Variants in NVL observed in about 807,000 individuals in gnomAD.
NVL encodes nuclear valosin-containing protein-like.
A neutral mutation model predicts 110.2 loss-of-function variants in NVL; 84 were observed. The observed-to-expected ratio is 0.76, with a 90% CI of 0.64 to 0.91. The LOEUF is 0.91. Ranked by LOEUF, NVL falls within the 40% of genes least tolerant of loss-of-function variation. The probability of loss-of-function intolerance (pLI) is 0.00; values close to 1 mark genes in which losing one functional copy is unlikely to be tolerated. For missense variants in NVL, 882 were observed against 1,035.9 expected (o/e 0.85, Z 2.04); for synonymous variants, 354 against 361.1 (o/e 0.98, Z 0.22).
At chr1:224,258,979 TAAAAAAAAAAAAA>T (rs34767555) in intron 18 of NVL, among the ~76,000 whole-genome samples, 7 of 60,210 alleles carry the variant, frequency 1.2e-4, no homozygotes, top group South Asian at 1.6e-3. Flanking sequence ...GTCTCTACAT[TAAAAAAAAAAAAA>T]AAAAAAAAAA....
Position 224,287,038 on chromosome 1 carries a change from C to T in NVL, c.1794+737G>A, listed in dbSNP as rs73130432. Reference sequence around the variant, plus strand: ...AACTCACTGCTACAGAAATGAAGCACAACCAAAAGGATCAGCATAAAATAG... The same window carrying T: ...AACTCACTGCTACAGAAATGAAGCATAACCAAAAGGATCAGCATAAAATAG... On this transcript the variant is annotated intron_variant, in intron 14 of 22. Transcript: ENST00000281701. 6.2e-3 allele frequency among the ~76,000 whole-genome samples: 947 copies of T among 152,242 alleles called. 9 individuals carry two copies. The highest frequency in any genetic ancestry group is 0.021 in the African/African-American group (891 of 41,544).
intron 20 of NVL, 35 bp from the exon 21 acceptor site, chr1:224,233,324 G>T (rs753100921): frequency 1.3e-6 from 2 of 1,509,518 alleles, no homozygotes; most frequent in South Asian, 2.5e-5. Context: ...CTTATTCTTA[G>T]ATACTGCAAA....
chr1:224,271,073 G>C (rs924825600), intron 17 of NVL, among the ~76,000 whole-genome samples: 6 of 152,060 alleles, frequency 3.9e-5, no homozygotes, highest in Non-Finnish European at 5.9e-5. Flanking sequence ...TTTACAACTG[G>C]AAACAATCTA....
At chr1:224,277,849 T>C (rs533696684) in intron 16 of NVL, among the ~76,000 whole-genome samples, 2 of 152,332 alleles carry the variant, frequency 1.3e-5, no homozygotes, top group Admixed American at 1.3e-4. Context: ...ACTGACAAGG[T>C]TGAAAAACTC....
At chr1:224,316,380 G>A (rs1197875500) in intron 4 of NVL, among the ~76,000 whole-genome samples, 1 of 152,086 alleles carries the variant, frequency 6.6e-6, no homozygotes. Context: ...TACAGTGACA[G>A]AAAGCAAATC....
Position 224,227,659 on chromosome 1 carries a change from C to A in NVL, c.2538G>T (p.Met846Ile). Residue 846 changes from methionine to isoleucine, a missense_variant, in exon 23 of 23, where the codon ATG becomes ATT. Met to Ile is a conservative substitution (Grantham distance 10). Coordinates refer to ENST00000281701, the MANE Select transcript of NVL (RefSeq NM_002533.4). ...TGAGGGACTCCTGCAAACGTTCATA[C>A]ATGATTTGATCCTGAAAGGAGGGAG... ...RSSISKKDQI[M>I]YERLQESLSR 2 of 1,611,240 alleles carry A rather than the reference C, an allele frequency of 1.2e-6. No homozygotes were observed. Among genetic ancestry groups the A allele is most frequent in the Non-Finnish European group, 1.7e-6 (2 of 1,178,140 alleles).
At chr1:224,297,972 T>C (rs551009297) in intron 10 of NVL, among the ~76,000 whole-genome samples, 1 of 142,982 alleles carries the variant, frequency 7.0e-6, no homozygotes, top group Admixed American at 7.5e-5. Context: ...TATTTGAGCC[T>C]GGAAGGCAGA....
chr1:224,274,703 T>A (rs1243338366), intron 17 of NVL, among the ~76,000 whole-genome samples: 1 of 152,202 alleles, frequency 6.6e-6, no homozygotes, highest in Non-Finnish European at 1.5e-5. Context: ...GTTATATATT[T>A]ATTGTTTATG....
chr1:224,273,239 C>T (rs1291607115), intron 17 of NVL, among the ~76,000 whole-genome samples: 1 of 151,712 alleles, frequency 6.6e-6, no homozygotes, highest in Admixed American at 6.6e-5. Context: ...ATGGTGAAAC[C>T]CCATCTCTAC....
At chr1:224,236,704 A>T (rs2102707050) in intron 19 of NVL, 122 bp from the exon 20 acceptor site, 1 of 693,736 alleles carries the variant, frequency 1.4e-6, no homozygotes, top group Admixed American at 2.1e-5. Flanking sequence ...TGAGGTCAGG[A>T]GTTCGAGACC....
chr1:224,253,052 CT>C (rs1013996920), intron 18 of NVL, among the ~76,000 whole-genome samples: 35 of 146,856 alleles, frequency 2.4e-4, no homozygotes, highest in South Asian at 8.6e-4. Flanking sequence ...TTTGTATATG[CT>C]TTTTTTTTTA....
intron 16 of NVL, among the ~76,000 whole-genome samples, chr1:224,277,569 C>T (rs539733169): frequency 6.6e-6 from 1 of 152,190 alleles, no homozygotes; most frequent in South Asian, 2.1e-4. Flanking sequence ...CATATTAAAA[C>T]CTACTTAATC....
At chr1:224,245,026 T>C (rs1274366051) in intron 19 of NVL, among the ~76,000 whole-genome samples, 1 of 152,132 alleles carries the variant, frequency 6.6e-6, no homozygotes, top group African/African-American at 2.4e-5. Context: ...CCAAAAGATA[T>C]GAAGAAGTTG....
Position 224,308,262 on chromosome 1 carries a change from G to T in NVL, c.344C>A (p.Ser115Ter). The T allele has an allele frequency of 6.3e-7, 1 of 1,592,750 alleles. No individual in the cohort carries two copies. Among genetic ancestry groups the T allele is most frequent in the South Asian group, 1.1e-5 (1 of 87,196 alleles). ...CAGGGAACTGTTCATGTGATTTGCT[G>T]ACTGGCAGAAAGATAAAACAAAATT... Reference protein sequence around the residue: ...SSMEDYPDPQSANHMNSSLLS... With the variant: ...SSMEDYPDPQ Residue 115 changes from serine (S) to a stop codon, truncating the protein, a stop_gained and splice_region_variant, in exon 6 of 23, where the codon TCA becomes TAA. Coordinates refer to ENST00000281701, the MANE Select transcript of NVL (RefSeq NM_002533.4). LOFTEE classifies it high-confidence loss of function.
intron 20 of NVL, among the ~76,000 whole-genome samples, chr1:224,233,516 T>C (rs1178883684): frequency 6.6e-6 from 1 of 152,190 alleles, no homozygotes. Flanking sequence ...TCCCAGCACT[T>C]TGGGAGGCCG....
chr1:224,267,986 G>T, intron 18 of NVL, 48 bp downstream of exon 18: 3 of 1,267,838 alleles, frequency 2.4e-6, no homozygotes, highest in Non-Finnish European at 3.4e-6. Context: ...CTACGGAAAT[G>T]CTGTAAGTTT....
At chr1:224,283,418 C>T (rs1486950050) in intron 15 of NVL, among the ~76,000 whole-genome samples, 3 of 152,034 alleles carry the variant, frequency 2.0e-5, no homozygotes, top group Non-Finnish European at 2.9e-5. Flanking sequence ...ACCCAGGAGG[C>T]GGAGCTTGCA....
At chr1:224,252,101 G>A (rs78194821) in intron 18 of NVL, among the ~76,000 whole-genome samples, 2,181 of 152,104 alleles carry the variant, frequency 0.014, 22 homozygotes, top group Non-Finnish European at 0.023. Flanking sequence ...GTTTACACCA[G>A]ATGTCTTGCT....
intron 2 of NVL, among the ~76,000 whole-genome samples, chr1:224,323,564 C>A (rs1197894379): frequency 6.6e-6 from 1 of 152,056 alleles, no homozygotes; most frequent in Non-Finnish European, 1.5e-5. Context: ...GAGATGGGGA[C>A]AAAATTAAGG....
Sources: gnomAD v4.1 joint callset for allele counts (sites outside exome capture counted in the v4.1 genomes callset) on GRCh38, gnomAD v4.1.1 for gene constraint, MANE v1.5 for transcripts, NCBI Gene and HGNC (gene_info 2026-07-23, HGNC 2026-07-21) for gene names.